LDLRAD2: variants seen among roughly 807,000 people sequenced by gnomAD.
The protein encoded by LDLRAD2 is low density lipoprotein receptor class A domain containing 2.
Under a neutral mutation model 24.9 loss-of-function variants are expected in LDLRAD2, and 25 were observed. The ratio of observed to expected loss-of-function variants is 1.00; its 90% CI spans 0.73 to 1.40. LDLRAD2 has a LOEUF of 1.40. Ranked by LOEUF, LDLRAD2 falls within the 40% of genes most tolerant of loss-of-function variation. The pLI is 0.00. For synonymous variants in LDLRAD2, 182 were observed against 166.7 expected (o/e 1.09, Z -0.71); for missense variants, 391 against 366.2 (o/e 1.07, Z -0.55).
chr1:21,818,024 A>G (rs184583553), intron 3 of LDLRAD2, among the ~76,000 whole-genome samples: 12 of 151,698 alleles, frequency 7.9e-5, no homozygotes, highest in Admixed American at 7.2e-4. Flanking sequence ...TTACAGGTGC[A>G]CACCACCACG....
At chr1:21,816,839 TC>T (rs2097944464) in intron 3 of LDLRAD2, among the ~76,000 whole-genome samples, 1 of 152,186 alleles carries the variant, frequency 6.6e-6, no homozygotes, top group Non-Finnish European at 1.5e-5. Flanking sequence ...AGGTCCTATG[TC>T]CCCTTGTCCT....
Position 21,814,592 on chromosome 1 carries a change from C to A in LDLRAD2, c.280C>A (p.Pro94Thr). 6.2e-7 allele frequency: 1 copy of A among 1,611,680 alleles called. No individual in the cohort carries two copies. Among genetic ancestry groups the A allele is most frequent in the East Asian group, 2.2e-5 (1 of 44,806 alleles). ...FLVYSLTPAP[P>T]ALNTSSPAPA... ...GGTCTACAGCCTGACCCCCGCGCCC[C>A]CGGCGCTCAACACCTCCTCCCCGGC... is the stretch of plus-strand genomic sequence containing the variant. The change falls in exon 2 of 5, where the codon CCG becomes ACG. Residue 94 changes from proline (P) to threonine (T), a missense_variant. Coordinates refer to ENST00000344642, the MANE Select transcript of LDLRAD2 (RefSeq NM_001013693.3).
chr1:21,815,730 G>A (rs968138277), intron 2 of LDLRAD2, among the ~76,000 whole-genome samples: 1 of 152,182 alleles, frequency 6.6e-6, no homozygotes, highest in African/African-American at 2.4e-5. Context: ...TAGTATTTAC[G>A]GCTGTGCATG....
chr1:21,821,420 A>G, intron 3 of LDLRAD2, 30 bp from the exon 4 acceptor site: 1 of 1,611,690 alleles, frequency 6.2e-7, no homozygotes, highest in Non-Finnish European at 8.5e-7. Context: ...GGCAGTTCTC[A>G]GTGTGCTAGT....
At position 21,823,199 on chromosome 1, in the gene LDLRAD2, G is replaced by T; in HGVS notation, c.*984G>T. The stretch of plus-strand genomic sequence containing the variant: ...TCCAGTCCAGCCCAGGGCGGTAGCA[G>T]CAAAGCGTGGCATCGCCTCGGTTTC... On this transcript the variant is annotated 3_prime_UTR_variant, in exon 5 of 5. Coordinates refer to ENST00000344642, the MANE Select transcript of LDLRAD2 (RefSeq NM_001013693.3). The T allele has an allele frequency of 1.9e-6, 2 of 1,026,452 alleles. No individual in the cohort carries two copies. Among genetic ancestry groups the T allele is most frequent in the Non-Finnish European group, 2.7e-6 (2 of 747,810 alleles). 63.6% of individuals were successfully genotyped at this position (1,026,452 alleles called of 1,614,324 possible). A position where few individuals can be genotyped will look rare whatever the true frequency, so the allele number is the denominator to read the frequency against.
At chr1:21,820,522 C>CAAAAAAAAA (rs11370390) in intron 3 of LDLRAD2, among the ~76,000 whole-genome samples, 1 of 70,142 alleles carries the variant, frequency 1.4e-5, no homozygotes. Flanking sequence ...GACTCCGTCT[C>CAAAAAAAAA]AAAAAAAAAA....
Position 21,824,667 on chromosome 1 carries a change from C to T in LDLRAD2, c.*2452C>T. Reference sequence around the variant, plus strand: ...CAGAAGTCCCAGATTCCCATCCTCCCCATTAGGCCCATGGGCCCTTCCAAT... The same window carrying T: ...CAGAAGTCCCAGATTCCCATCCTCCTCATTAGGCCCATGGGCCCTTCCAAT... On this transcript the variant is annotated 3_prime_UTR_variant, in exon 5 of 5. Transcript: ENST00000344642. This position sits in a 1 kb window ranked among gnomAD's most constrained non-coding sequence, Gnocchi z 5.9. 6.2e-7 allele frequency: 1 copy of T among 1,613,162 alleles called. No homozygotes were observed. The highest frequency in any genetic ancestry group is 8.5e-7 in the Non-Finnish European group (1 of 1,179,458).
chr1:21,821,881 G>C, intron 4 of LDLRAD2: 1 of 1,419,106 alleles, frequency 7.0e-7, no homozygotes. Context: ...CCTGTACCAC[G>C]TGCTACCCAT....
intron 3 of LDLRAD2, among the ~76,000 whole-genome samples, chr1:21,818,381 T>C (rs533333232): frequency 6.6e-6 from 1 of 152,328 alleles, no homozygotes; most frequent in Admixed American, 6.5e-5. Context: ...TTCTCAGGAT[T>C]TCCTTGTTTT....
At chr1:21,821,792 C>T in intron 4 of LDLRAD2, 181 bp downstream of exon 4, 1 of 1,437,802 alleles carries the variant, frequency 7.0e-7, no homozygotes, top group Non-Finnish European at 9.1e-7. Flanking sequence ...CCTCCTGGGC[C>T]TCCTCTGGTG....
chr1:21,819,429 G>A (rs1026439421), intron 3 of LDLRAD2, among the ~76,000 whole-genome samples: 1 of 151,664 alleles, frequency 6.6e-6, no homozygotes, highest in African/African-American at 2.4e-5. Context: ...TATTAGATAT[G>A]CTTCCTGTAC....
chr1:21,814,775 C>G lies in LDLRAD2; in HGVS notation c.463C>G (p.Arg155Gly), dbSNP rs892058926. 6.7e-7 allele frequency: 1 copy of G among 1,482,108 alleles called. No individual in the cohort carries two copies. Among genetic ancestry groups the G allele is most frequent in the Admixed American group, 2.7e-5 (1 of 37,530 alleles). 91.8% of individuals were successfully genotyped at this position (1,482,108 alleles called of 1,614,324 possible). The change falls in exon 2 of 5, where the codon CGC (arginine) becomes GGC (glycine). Residue 155 changes from arginine to glycine, a missense_variant. By Grantham distance (125) the Arg-to-Gly change is moderately radical. Transcript: ENST00000344642. Reference protein sequence around the residue: ...FLGLRLVTRGRQPRVDFVGEV... With the variant: ...FLGLRLVTRGGQPRVDFVGEV... ...AGGCCTGCGCCTGGTCACGAGAGGC[C>G]GCCAGCCCCGCGTGGACTTCGTGGG... is the stretch of plus-strand genomic sequence containing the variant.
At chr1:21,814,302 G>A (rs1255922922) in intron 1 of LDLRAD2, 96 bp from the exon 2 acceptor site, 2 of 987,408 alleles carry the variant, frequency 2.0e-6, no homozygotes, top group African/African-American at 3.3e-5. Context: ...GCTCAGAGAG[G>A]GCGAGTAACT....
chr1:21,814,837 GA>G lies in LDLRAD2; in HGVS notation c.511+16del. The G allele has an allele frequency of 6.8e-7, 1 of 1,470,510 alleles. No homozygotes were observed. Among genetic ancestry groups the G allele is most frequent in the South Asian group, 1.4e-5 (1 of 70,156 alleles). 91.1% of individuals were successfully genotyped at this position (1,470,510 alleles called of 1,614,324 possible). On this transcript the variant is annotated intron_variant, in intron 2 of 4. Transcript: ENST00000344642. ...CTTTCCGTCTGGGTGAGCTGGGGCT[GA>G]AGGCCGGGACGGGACCCTCTGCAGA...
rs1323567115 is a variant in LDLRAD2 at position 21,822,491 on chromosome 1, CGTCCGTCCGTTGTCTGTTGGAGGA to C, written c.*281_*304del. On this transcript the variant is annotated 3_prime_UTR_variant, in exon 5 of 5. Transcript: ENST00000344642. The stretch of plus-strand genomic sequence containing the variant: ...GCTCTTCCTGAGCACCAGCGGCATC[CGTCCGTCCGTTGTCTGTTGGAGGA>C]GTCCCTGGGCCTTCACTTCCAGATG... The C allele has an allele frequency of 8.1e-6, 3 of 371,872 alleles. No individual in the cohort carries two copies. Among genetic ancestry groups the C allele is most frequent in the African/African-American group, 6.3e-5 (3 of 47,480 alleles). 23.0% of individuals were successfully genotyped at this position (371,872 alleles called of 1,614,324 possible).
chr1:21,815,949 G>T lies in LDLRAD2; in HGVS notation c.518G>T (p.Cys173Phe), dbSNP rs1290926339. Residue 173 changes from cysteine to phenylalanine, a missense_variant, in exon 3 of 5, where the codon TGT becomes TTT. By Grantham distance (205) the Cys-to-Phe change is radical. Transcript: ENST00000344642. ...GEVTSFRLGPCGAYFRCQNGR... is the reference protein window; with the variant it reads ...GEVTSFRLGPFGAYFRCQNGR... ...CTTCTGCTTCTGGCCTCAGGACCTT[G>T]TGGTGCCTACTTCCGCTGCCAGAAT... is the stretch of plus-strand genomic sequence containing the variant. The T allele has an allele frequency of 9.0e-5, 146 of 1,613,840 alleles. No individual in the cohort carries two copies. Among genetic ancestry groups the T allele is most frequent in the Non-Finnish European group, 1.2e-4 (143 of 1,179,982 alleles).
rs1228831046 is a variant in LDLRAD2, at chr1:21,814,207, G to GAATTA, written c.86-177_86-173dup. Among the ~76,000 whole-genome samples the GAATTA allele has an allele frequency of 2.6e-5, 4 of 152,162 alleles. No homozygotes were observed. In the East Asian group the frequency reaches 7.7e-4, roughly 29 times the overall value. On this transcript the variant is annotated intron_variant, in intron 1 of 4. Transcript: ENST00000344642. ...GTTTCGAATAAGGGATTGTAGATTT[G>GAATTA]AATTAAATTAAATTAAATCATTTAA...
intron 1 of LDLRAD2, 34 bp from the exon 2 acceptor site, chr1:21,814,364 C>A: frequency 6.5e-7 from 1 of 1,530,788 alleles, no homozygotes; most frequent in Non-Finnish European, 8.8e-7. Flanking sequence ...GGGGTCGCGC[C>A]GCGCGGCTCC....
Position 21,822,312 on chromosome 1 carries a change from CAG to C in LDLRAD2, c.*100_*101del. The C allele has an allele frequency of 1.5e-6, 2 of 1,315,814 alleles. No homozygotes were observed. The highest frequency in any genetic ancestry group is 2.2e-6 in the Non-Finnish European group (2 of 916,524). 81.5% of individuals were successfully genotyped at this position (1,315,814 alleles called of 1,614,324 possible). A position where few individuals can be genotyped will look rare whatever the true frequency, so the allele number is the denominator to read the frequency against. On this transcript the variant is annotated 3_prime_UTR_variant, in exon 5 of 5. Transcript: ENST00000344642. ...CCACAGGAGGGTCCCTTCTAGGACA[CAG>C]AGGCCAGGCGTCCCAACCCCACAGT...
Sources: gnomAD v4.1 joint callset for allele counts (sites outside exome capture counted in the v4.1 genomes callset) on GRCh38, gnomAD v4.1.1 for gene constraint, Gnocchi (gnomAD v3.1) non-coding constraint, MANE v1.5 for transcripts, NCBI Gene and HGNC (gene_info 2026-07-23, HGNC 2026-07-21) for gene names.